Variants in SLC2A9 observed in about 807,000 individuals in gnomAD.
SLC2A9 encodes the protein solute carrier family 2, facilitated glucose transporter member 9.
Under a neutral mutation model 50.6 loss-of-function variants are expected in SLC2A9, and 39 were observed. The ratio of observed to expected loss-of-function variants is 0.77; its 90% CI spans 0.60 to 1.01. The LOEUF is 1.01. SLC2A9 is among the 50% of genes least tolerant of loss of function. The probability of loss-of-function intolerance (pLI) is 0.00; values close to 1 mark genes in which losing one functional copy is unlikely to be tolerated. For missense variants in SLC2A9, 686 were observed against 677.6 expected (o/e 1.01, Z -0.14); for synonymous variants, 324 against 276.9 (o/e 1.17, Z -1.69).
chr4:9,918,590 C>G (rs1465961750), intron 7 of SLC2A9, among the ~76,000 whole-genome samples: 1 of 152,198 alleles, frequency 6.6e-6, no homozygotes, highest in Non-Finnish European at 1.5e-5. Context: ...TGTCTTTAGG[C>G]CTAACAGTGC....
rs147912672 is a variant in SLC2A9, at chr4:9,878,536, G to A, written c.1291+9031C>T. Among the ~76,000 whole-genome samples, 1,165 of 152,066 alleles carry A rather than the reference G, an allele frequency of 7.7e-3. 47 individuals are homozygous for A. The highest frequency in any genetic ancestry group is 0.062 in the Admixed American group (941 of 15,274). On this transcript the variant is annotated intron_variant, in intron 10 of 11. Transcript: ENST00000264784. Reference sequence around the variant, plus strand: ...CTGGGAGGCTGGTGTATCCACAGAGGGCATGAAAGCTCCATGCCCCGTGAT... The same window carrying A: ...CTGGGAGGCTGGTGTATCCACAGAGAGCATGAAAGCTCCATGCCCCGTGAT...
chr4:10,034,636 C>T (rs1426286135), intron 1 of SLC2A9: 1 of 152,390 alleles, frequency 6.6e-6, no homozygotes, highest in African/African-American at 2.4e-5. Flanking sequence ...CAAATCCCTT[C>T]CACTCATGGG....
At chr4:9,870,482 T>C (rs1284849308) in intron 10 of SLC2A9, among the ~76,000 whole-genome samples, 1 of 152,176 alleles carries the variant, frequency 6.6e-6, no homozygotes, top group Admixed American at 6.5e-5. Context: ...AACCCCAGCA[T>C]ACGCACCAAA....
At chr4:9,879,769 ACT>A (rs1218858115) in intron 10 of SLC2A9, 2 of 985,280 alleles carry the variant, frequency 2.0e-6, no homozygotes, top group Non-Finnish European at 2.4e-6. Context: ...GATTTTTAAA[ACT>A]GGAATTGACA....
At chr4:10,010,584 T>C (rs984544006) in intron 2 of SLC2A9, among the ~76,000 whole-genome samples, 2 of 152,178 alleles carry the variant, frequency 1.3e-5, no homozygotes, top group Non-Finnish European at 2.9e-5. Context: ...CGAAGCTGTG[T>C]GCGAGGTACT....
At chr4:9,784,623 C>T (rs1373613419) in intron 3 of SLC2A9, among the ~76,000 whole-genome samples, 1 of 152,174 alleles carries the variant, frequency 6.6e-6, no homozygotes, top group African/African-American at 2.4e-5. Flanking sequence ...ATCTGTAGGT[C>T]GAGGTGCTCA....
chr4:9,917,325 C>CTTTTTTTT (rs55927201), intron 7 of SLC2A9, among the ~76,000 whole-genome samples: 1,367 of 81,910 alleles, frequency 0.017, 8 homozygotes, highest in Non-Finnish European at 0.02. Flanking sequence ...TTCTTTTTTC[C>CTTTTTTTT]TTTTTTTTTT....
rs148875253 is a variant in SLC2A9 at position 9,996,796 on chromosome 4, C to G, written c.395G>C (p.Gly132Ala). The change falls in exon 3 of 12, where the codon GGA becomes GCA. Residue 132 changes from glycine (G) to alanine (A), a missense_variant. Gly to Ala is a moderately conservative substitution (Grantham distance 60, BLOSUM62 0). Transcript: ENST00000264784. ...TCCTACTGACCTCCCAAGAACCTTT[C>G]CAATCATCTTCACAATTAACGTCCC... Reference protein sequence around the residue: ...LVGTLIVKMIGKVLGRKHTLL... With the variant: ...LVGTLIVKMIAKVLGRKHTLL... 73 of 1,613,834 alleles carry G rather than the reference C, an allele frequency of 4.5e-5. No homozygotes were observed. Among genetic ancestry groups the G allele is most frequent in the Non-Finnish European group, 5.7e-5 (67 of 1,179,884 alleles).
intron 10 of SLC2A9, among the ~76,000 whole-genome samples, chr4:9,841,185 ACTT>A (rs1728024917): frequency 6.6e-6 from 1 of 152,102 alleles, no homozygotes; most frequent in Non-Finnish European, 1.5e-5. Flanking sequence ...CTCTTCATTT[ACTT>A]CTTATGTTAT....
chr4:9,795,142 C>T (rs572939975), downstream of SLC2A9, among the ~76,000 whole-genome samples: 61 of 151,220 alleles, frequency 4.0e-4, no homozygotes, highest in Admixed American at 2.3e-3. Context: ...CTCCGAGTAG[C>T]TGGGACTACA....
intron 2 of SLC2A9, among the ~76,000 whole-genome samples, chr4:9,998,088 C>T (rs890811266): frequency 2.0e-5 from 3 of 152,206 alleles, no homozygotes; most frequent in Non-Finnish European, 4.4e-5. Flanking sequence ...AATACAACTT[C>T]ACATTCACTA....
chr4:9,877,398 G>A (rs1734480567), intron 10 of SLC2A9, among the ~76,000 whole-genome samples: 1 of 152,210 alleles, frequency 6.6e-6, no homozygotes, highest in South Asian at 2.1e-4. Flanking sequence ...CCCCCTGGCA[G>A]GAGATTCAGA....
intron 1 of SLC2A9, among the ~76,000 whole-genome samples, chr4:9,772,348 C>T (rs963011466): frequency 6.6e-6 from 1 of 152,246 alleles, no homozygotes; most frequent in Non-Finnish European, 1.5e-5. Flanking sequence ...GTATTATTGG[C>T]TCACAATCCT....
chr4:9,874,787 C>T (rs1239557801), intron 10 of SLC2A9, among the ~76,000 whole-genome samples: 4 of 151,922 alleles, frequency 2.6e-5, no homozygotes, highest in Admixed American at 2.6e-4. Context: ...TAGAAATGGC[C>T]ATAAGTTAGT....
At chr4:9,870,655 T>A (rs1733273657) in intron 10 of SLC2A9, among the ~76,000 whole-genome samples, 1 of 152,224 alleles carries the variant, frequency 6.6e-6, no homozygotes. Flanking sequence ...TGCCATAGGC[T>A]GCGGGAAAGT....
downstream of SLC2A9, among the ~76,000 whole-genome samples, chr4:9,794,589 C>G (rs1560123383): frequency 1.3e-5 from 2 of 152,238 alleles, no homozygotes; most frequent in Non-Finnish European, 2.9e-5. Context: ...AGATTTAAAC[C>G]TATGCTTGTC....
At chr4:9,960,387 C>T (rs915808406) in intron 5 of SLC2A9, among the ~76,000 whole-genome samples, 39 of 152,168 alleles carry the variant, frequency 2.6e-4, no homozygotes, top group African/African-American at 9.2e-4. Context: ...CATCAAATAC[C>T]TAAGTTGGTG....
intron 6 of SLC2A9, among the ~76,000 whole-genome samples, chr4:9,921,902 A>G (rs1397943933): frequency 6.6e-6 from 1 of 152,240 alleles, no homozygotes; most frequent in East Asian, 1.9e-4. Flanking sequence ...ATTATAAAAT[A>G]AGGATAACTT....
chr4:9,813,233 T>C (rs1030342677), intron 3 of SLC2A9, among the ~76,000 whole-genome samples: 7 of 152,234 alleles, frequency 4.6e-5, no homozygotes, highest in Non-Finnish European at 1.0e-4. Flanking sequence ...GTGATACTCA[T>C]GGCTTTTCAG....
Sources: allele counts gnomAD v4.1 joint callset (sites outside exome capture counted in the v4.1 genomes callset), GRCh38; gene constraint gnomAD v4.1.1; transcripts MANE v1.5; gene names NCBI Gene and HGNC (gene_info 2026-07-23, HGNC 2026-07-21).